Variants in SAMD10 observed in about 807,000 individuals in gnomAD.
The protein encoded by SAMD10 is sterile alpha motif domain containing 10.
SAMD10 carries 16 observed loss-of-function variants against 22.5 expected under a neutral mutation model. The observed-to-expected ratio is 0.71, with a 90% CI of 0.48 to 1.08. The LOEUF is 1.08. SAMD10 is among the 50% of genes least tolerant of loss of function. The pLI is 0.00. For missense variants in SAMD10, 227 were observed against 281.3 expected, an observed-to-expected ratio of 0.81 and a Z score of 1.38; for synonymous variants, 118 against 122.2, an observed-to-expected ratio of 0.97 and a Z score of 0.23.
chr20:63,976,764 C>CAAAAAAAAAAAA (rs60461303), intron 3 of SAMD10, among the ~76,000 whole-genome samples: 31 of 63,926 alleles, frequency 4.8e-4, no homozygotes, highest in African/African-American at 1.9e-3. Flanking sequence ...TCTGTCTCAC[C>CAAAAAAAAAAAA]AAAAAAAAAA....
At position 63,979,602 on chromosome 20, in the gene SAMD10, GC is replaced by G. The variant is rs2059050459; in HGVS notation, c.-136del. On this transcript the variant is annotated 5_prime_UTR_variant, in exon 1 of 5. Transcript: ENST00000369886. This position sits in a 1 kb window ranked among gnomAD's most constrained non-coding sequence, Gnocchi z 7.7. Reference sequence around the variant, plus strand: ...GCGCCCGAGCCGGTCCCCGCGGCCCGCGAGTGTGCGCGACGAGGCACCTGCC... The same window carrying G: ...GCGCCCGAGCCGGTCCCCGCGGCCCGGAGTGTGCGCGACGAGGCACCTGCC... The G allele has an allele frequency of 2.0e-6, 2 of 984,284 alleles. No homozygotes were observed. Among genetic ancestry groups the G allele is most frequent in the African/African-American group, 3.5e-5 (2 of 56,952 alleles). The allele number at this position is 984,284 out of a possible 1,614,324, so 61.0% of individuals were successfully genotyped here.
At position 63,975,703 on chromosome 20, in the gene SAMD10, A is replaced by T; in HGVS notation, c.575T>A (p.Leu192Gln). 6.2e-7 allele frequency: 1 copy of T among 1,604,872 alleles called. No individual in the cohort carries two copies. Among genetic ancestry groups the T allele is most frequent in the Non-Finnish European group, 8.5e-7 (1 of 1,176,656 alleles). The change falls in exon 4 of 5, where the codon CTG becomes CAG. Residue 192 changes from leucine to glutamine, a missense_variant. By Grantham distance (113) the Leu-to-Gln change is moderately radical. Transcript: ENST00000369886. The part of the protein sequence containing the change: ...QVREEGRSLQ[L>Q]LSQASFGKMS Reference sequence around the variant, plus strand: ...CACCTCACACTGACCTTGGCTGAGCAGCTGCAGGCTCCGCCCCTCCTCACG... The same window carrying T: ...CACCTCACACTGACCTTGGCTGAGCTGCTGCAGGCTCCGCCCCTCCTCACG...
Position 63,977,329 on chromosome 20 carries a change from G to A in SAMD10, c.169C>T (p.Arg57Trp), listed in dbSNP as rs1333278297. The change falls in exon 2 of 5, where the codon CGG (arginine) becomes TGG (tryptophan). Residue 57 changes from arginine (R) to tryptophan (W), a missense_variant. Transcript: ENST00000369886. This position sits in a 1 kb window ranked among gnomAD's most constrained non-coding sequence, Gnocchi z 5.4. ...CACGTGAGGCTGGTGCCAGGTGTCC[G>A]AGGCAAGTGGCAGGGGATGCTCTCA... ...SAESIPCHLP[R>W]TPGTSLTWHD... is the part of the protein sequence containing the mutation. The A allele has an allele frequency of 8.1e-6, 13 of 1,613,520 alleles. No individual in the cohort carries two copies. The highest frequency in any genetic ancestry group is 1.1e-5 in the Non-Finnish European group (13 of 1,180,032).
chr20:63,978,288 G>A, intron 1 of SAMD10: 1 of 1,302,294 alleles, frequency 7.7e-7, no homozygotes, highest in Non-Finnish European at 1.0e-6. Flanking sequence ...TCTGGTTACA[G>A]AGGGGCACCC....
At position 63,974,925 on chromosome 20, in the gene SAMD10, G is replaced by A. The variant is rs1229190274; in HGVS notation, c.*585C>T. 6.4e-6 allele frequency: 1 copy of A among 155,770 alleles called. No individual in the cohort carries two copies. The highest frequency in any genetic ancestry group is 1.4e-5 in the Non-Finnish European group (1 of 70,420). 9.6% of individuals were successfully genotyped at this position (155,770 alleles called of 1,614,324 possible). On this transcript the variant is annotated 3_prime_UTR_variant, in exon 5 of 5. Transcript: ENST00000369886. ...TGACGATGTATAAATAATGATGAAA[G>A]TGCTTGGCATGGTGCCCGTTAGGCG...
rs1337500256 is a variant in SAMD10 at position 63,974,787 on chromosome 20, G to C, written c.*723C>G. 1 of 152,442 alleles carries C rather than the reference G, an allele frequency of 6.6e-6. No individual in the cohort carries two copies. The highest frequency in any genetic ancestry group is 6.5e-5 in the Admixed American group (1 of 15,292). 9.4% of individuals were successfully genotyped at this position (152,442 alleles called of 1,614,324 possible). The stretch of plus-strand genomic sequence containing the variant: ...GAGCACTGCTAAGCCTGGGCCCTGG[G>C]CGCGGAGCCACCTGGACAGGGCTGG... On this transcript the variant is annotated 3_prime_UTR_variant, in exon 5 of 5. Coordinates refer to ENST00000369886, the MANE Select transcript of SAMD10 (RefSeq NM_080621.5).
At position 63,977,467 on chromosome 20, in the gene SAMD10, G is replaced by A; in HGVS notation, c.92-61C>T. ...GCAGAACCAGAGGCTTCCTCTACTT[G>A]AGAGCTAGCTCCCTGCCCCATCTCC... On this transcript the variant is annotated intron_variant, in intron 1 of 4. Transcript: ENST00000369886. This position sits in a 1 kb window ranked among gnomAD's most constrained non-coding sequence, Gnocchi z 5.4. The A allele has an allele frequency of 6.5e-7, 1 of 1,537,506 alleles. No homozygotes were observed. Among genetic ancestry groups the A allele is most frequent in the Non-Finnish European group, 8.9e-7 (1 of 1,120,782 alleles).
At position 63,975,264 on chromosome 20, in the gene SAMD10, G is replaced by A. The variant is rs41278232; in HGVS notation, c.*246C>T. 0.12 allele frequency: 66,373 copies of A among 536,648 alleles called. 4,758 individuals are homozygous for A. The highest frequency in any genetic ancestry group is 0.22 in the South Asian group (9,357 of 41,758). The allele number at this position is 536,648 out of a possible 1,614,324, so 33.2% of individuals were successfully genotyped here. Reference sequence around the variant, plus strand: ...CCAGCTGCACCAGGGGAGGGCTTGGGCTCAGGTCCCAGGAGGTGGGGCCAC... The same window carrying A: ...CCAGCTGCACCAGGGGAGGGCTTGGACTCAGGTCCCAGGAGGTGGGGCCAC... On this transcript the variant is annotated 3_prime_UTR_variant, in exon 5 of 5. Coordinates refer to ENST00000369886, the MANE Select transcript of SAMD10 (RefSeq NM_080621.5).
At position 63,979,335 on chromosome 20, in the gene SAMD10, C is replaced by G; in HGVS notation, c.91+42G>C. On this transcript the variant is annotated intron_variant, in intron 1 of 4. Coordinates refer to ENST00000369886, the MANE Select transcript of SAMD10 (RefSeq NM_080621.5). This position sits in a 1 kb window ranked among gnomAD's most constrained non-coding sequence, Gnocchi z 7.7. The stretch of plus-strand genomic sequence containing the variant: ...CCCGTGCCTCTGGGTCCCTGAGACC[C>G]CCGCCCGAGAAATCCCCGCTCCCCA... 7.1e-7 allele frequency: 1 copy of G among 1,405,304 alleles called. No individual in the cohort carries two copies. 87.1% of individuals were successfully genotyped at this position (1,405,304 alleles called of 1,614,324 possible).
chr20:63,975,319 C>G lies in SAMD10; in HGVS notation c.*191G>C. 1.6e-6 allele frequency: 1 copy of G among 638,672 alleles called. No homozygotes were observed. The highest frequency in any genetic ancestry group is 2.0e-5 in the South Asian group (1 of 51,226). 39.6% of individuals were successfully genotyped at this position (638,672 alleles called of 1,614,324 possible). On this transcript the variant is annotated 3_prime_UTR_variant, in exon 5 of 5. Coordinates refer to ENST00000369886, the MANE Select transcript of SAMD10 (RefSeq NM_080621.5). ...AAGCAGCCCCCTACCCACCCAGCCC[C>G]AGGGCACGACCTGGAATGTCCAACC...
chr20:63,979,206 T>C lies in SAMD10; in HGVS notation c.91+171A>G, dbSNP rs1447179775. ...CTGACCCCCAAGGCCTGAGGCTGGC[T>C]GCCCCCTAAAGCAGGACAAAGGCTA... is the stretch of plus-strand genomic sequence containing the variant. On this transcript the variant is annotated intron_variant, in intron 1 of 4. Coordinates refer to ENST00000369886, the MANE Select transcript of SAMD10 (RefSeq NM_080621.5). The surrounding 1 kb of genome is among the most constrained non-coding windows in gnomAD (Gnocchi z 7.7). 6.6e-6 allele frequency among the ~76,000 whole-genome samples: 1 copy of C among 151,598 alleles called. No homozygotes were observed. The highest frequency in any genetic ancestry group is 2.4e-5 in the African/African-American group (1 of 41,172).
intron 4 of SAMD10, 42 bp from the exon 5 acceptor site, chr20:63,975,574 C>T: frequency 1.3e-6 from 2 of 1,598,202 alleles, no homozygotes; most frequent in Non-Finnish European, 1.7e-6. Context: ...GGGTCTTTGG[C>T]ATCATCTGCA....
intron 1 of SAMD10, among the ~76,000 whole-genome samples, chr20:63,978,950 T>C (rs1191609530): frequency 6.6e-6 from 1 of 152,128 alleles, no homozygotes; most frequent in African/African-American, 2.4e-5. Context: ...CGGAGGGAGT[T>C]CCGTCCGTCC....
chr20:63,977,036 A>C lies in SAMD10; in HGVS notation c.380T>G (p.Leu127Arg). 6.2e-7 allele frequency: 1 copy of C among 1,614,074 alleles called. No individual in the cohort carries two copies. The highest frequency in any genetic ancestry group is 8.5e-7 in the Non-Finnish European group (1 of 1,180,020). ...GTAGTTGTGGGGACAGTGCTTCTTG[A>C]GCCACTTGCAGACGTCCTGCTGACT... The part of the protein sequence containing the change: ...LWSQQDVCKW[L>R]KKHCPHNYLV... Residue 127 changes from leucine to arginine, a missense_variant, in exon 3 of 5, where the codon CTC becomes CGC. Physicochemically the swap from Leu to Arg is moderately radical, Grantham distance 102. Coordinates refer to ENST00000369886, the MANE Select transcript of SAMD10 (RefSeq NM_080621.5). The surrounding 1 kb of genome is among the most constrained non-coding windows in gnomAD (Gnocchi z 5.4).
In SAMD10 at chr20:63,977,656, A is replaced by G. The variant is rs1371239749; in HGVS notation, c.92-250T>C. 6.6e-6 allele frequency among the ~76,000 whole-genome samples: 1 copy of G among 152,242 alleles called. No homozygotes were observed. The highest frequency in any genetic ancestry group is 1.5e-5 in the Non-Finnish European group (1 of 68,038). On this transcript the variant is annotated intron_variant, in intron 1 of 4. Coordinates refer to ENST00000369886, the MANE Select transcript of SAMD10 (RefSeq NM_080621.5). The surrounding 1 kb of genome is among the most constrained non-coding windows in gnomAD (Gnocchi z 5.4). ...GTCTACAGCCCTCACCCAGGGGAGCAGGATGGATTCTTAGATCAGAGGATG... is the reference window on the plus strand; with the variant it reads ...GTCTACAGCCCTCACCCAGGGGAGCGGGATGGATTCTTAGATCAGAGGATG...
chr20:63,976,498 C>T (rs917535618), intron 3 of SAMD10, among the ~76,000 whole-genome samples: 6 of 151,374 alleles, frequency 4.0e-5, no homozygotes, highest in Admixed American at 3.3e-4. Flanking sequence ...CGCAGTGGCT[C>T]ACACCTGTAA....
chr20:63,976,073 TG>T (rs1236002646), intron 3 of SAMD10, among the ~76,000 whole-genome samples: 2 of 152,198 alleles, frequency 1.3e-5, no homozygotes, highest in Non-Finnish European at 2.9e-5. Context: ...CTCGGGAGGC[TG>T]AGGCGGGAGG....
intron 3 of SAMD10, 114 bp downstream of exon 3, chr20:63,976,857 A>G (rs957803337): frequency 3.2e-6 from 3 of 945,196 alleles, no homozygotes; most frequent in Non-Finnish European, 4.9e-6. Flanking sequence ...GTTGATTCAC[A>G]GGAGAAACTA....
chr20:63,977,897 G>A lies in SAMD10; in HGVS notation c.92-491C>T, dbSNP rs1440169443. On this transcript the variant is annotated intron_variant, in intron 1 of 4. Coordinates refer to ENST00000369886, the MANE Select transcript of SAMD10 (RefSeq NM_080621.5). This position sits in a 1 kb window ranked among gnomAD's most constrained non-coding sequence, Gnocchi z 5.4. Reference sequence around the variant, plus strand: ...GGGCTGAGGATGCTGCTTGCCCATCGCCACTGAAGGCACCCAGTTCACACA... The same window carrying A: ...GGGCTGAGGATGCTGCTTGCCCATCACCACTGAAGGCACCCAGTTCACACA... Among the ~76,000 whole-genome samples the A allele has an allele frequency of 1.3e-5, 2 of 152,222 alleles. No homozygotes were observed. Among genetic ancestry groups the A allele is most frequent in the African/African-American group, 2.4e-5 (1 of 41,462 alleles).
Sources: allele counts gnomAD v4.1 joint callset (sites outside exome capture counted in the v4.1 genomes callset), GRCh38; gene constraint gnomAD v4.1.1; non-coding constraint Gnocchi (gnomAD v3.1); transcripts MANE v1.5; gene names NCBI Gene and HGNC (gene_info 2026-07-23, HGNC 2026-07-21).